The following TBC1D22A variants were observed in gnomAD, a reference collection of about 807,000 sequenced individuals.
The protein encoded by TBC1D22A is putative GTPase activator.
A neutral mutation model predicts 60.2 loss-of-function variants in TBC1D22A; 38 were observed. The observed-to-expected ratio is 0.63, with a 90% CI of 0.49 to 0.83. TBC1D22A has a LOEUF of 0.83. TBC1D22A is among the 40% of genes least tolerant of loss of function. TBC1D22A has a pLI of 0.00. For synonymous variants in TBC1D22A, 302 were observed against 281.7 expected (o/e 1.07, Z -0.72); for missense variants, 628 against 701.0 (o/e 0.90, Z 1.18).
intron 4 of TBC1D22A, among the ~76,000 whole-genome samples, chr22:46,807,026 T>G (rs992684097): frequency 1.3e-5 from 2 of 152,254 alleles, no homozygotes; most frequent in Non-Finnish European, 2.9e-5. Flanking sequence ...ATAAGAGGAT[T>G]GGCAGGTTCT....
At position 46,796,656 on chromosome 22, in the gene TBC1D22A, C is replaced by T. The variant is rs79352328; in HGVS notation, c.461-788C>T. On this transcript the variant is annotated intron_variant, in intron 3 of 12. Transcript: ENST00000337137. ...CCCGGTCCCGGGTTGCTGGGTGGAA[C>T]GTGCTGTCTCACCACCTGCTTGGAT... Among the ~76,000 whole-genome samples the T allele has an allele frequency of 4.9e-3, 714 of 146,206 alleles. 3 individuals carry two copies. The highest frequency in any genetic ancestry group is 0.016 in the African/African-American group (655 of 39,932).
At chr22:47,068,729 C>T (rs1049358826) in intron 11 of TBC1D22A, among the ~76,000 whole-genome samples, 6 of 152,054 alleles carry the variant, frequency 3.9e-5, no homozygotes, top group African/African-American at 1.5e-4. Flanking sequence ...AATTTCACGC[C>T]GAAATCTCAG....
intron 10 of TBC1D22A, among the ~76,000 whole-genome samples, chr22:47,029,160 G>A (rs1164652442): frequency 4.1e-5 from 4 of 97,488 alleles, no homozygotes; most frequent in Admixed American, 3.0e-4. Context: ...CAAGAGTCCC[G>A]GGGATGCAAA....
intron 10 of TBC1D22A, among the ~76,000 whole-genome samples, chr22:47,010,874 A>G (rs914539630): frequency 6.6e-6 from 1 of 152,200 alleles, no homozygotes; most frequent in African/African-American, 2.4e-5. Context: ...GTAAACCCAA[A>G]AATAATATAT....
chr22:46,773,255 G>C (rs1488066975), intron 1 of TBC1D22A, among the ~76,000 whole-genome samples: 1 of 152,180 alleles, frequency 6.6e-6, no homozygotes, highest in African/African-American at 2.4e-5. Context: ...TCCTGTCACA[G>C]GGTGGGGAAT....
intron 4 of TBC1D22A, among the ~76,000 whole-genome samples, chr22:46,876,498 C>T (rs1246573548): frequency 6.6e-6 from 1 of 152,200 alleles, no homozygotes; most frequent in Non-Finnish European, 1.5e-5. Context: ...TCCTGCCATT[C>T]TCTCGGGTCT....
At chr22:47,168,560 C>A (rs2068296223) in intron 12 of TBC1D22A, among the ~76,000 whole-genome samples, 1 of 152,218 alleles carries the variant, frequency 6.6e-6, no homozygotes, top group African/African-American at 2.4e-5. Context: ...GGGCCCAGCA[C>A]TCCCGCATCT....
At chr22:47,073,178 C>T (rs182858751) in intron 11 of TBC1D22A, among the ~76,000 whole-genome samples, 221 of 152,162 alleles carry the variant, frequency 1.5e-3, no homozygotes, top group Middle Eastern at 0.01. Flanking sequence ...ACAGACTTGG[C>T]GAAGAAATAG....
At chr22:46,961,183 A>G (rs933633503) in intron 8 of TBC1D22A, among the ~76,000 whole-genome samples, 1 of 152,172 alleles carries the variant, frequency 6.6e-6, no homozygotes, top group African/African-American at 2.4e-5. Context: ...TCTAATTTCT[A>G]GACTGCTTTT....
intron 4 of TBC1D22A, among the ~76,000 whole-genome samples, chr22:46,847,378 T>C (rs967816671): frequency 2.6e-5 from 4 of 152,222 alleles, no homozygotes; most frequent in Admixed American, 6.5e-5. Context: ...TATCTACCAG[T>C]ATCTGCCCTA....
At position 46,782,972 on chromosome 22, in the gene TBC1D22A, C is replaced by T. The variant is rs551716357; in HGVS notation, c.63-9548C>T. On this transcript the variant is annotated intron_variant, in intron 1 of 12. Transcript: ENST00000337137. Reference sequence around the variant, plus strand: ...TTCATTTCTCTTGGGTATCTACCTCCGAGTGGAATTGATGGGTCATGCGAT... The same window carrying T: ...TTCATTTCTCTTGGGTATCTACCTCTGAGTGGAATTGATGGGTCATGCGAT... Among the ~76,000 whole-genome samples, 20 of 152,270 alleles carry T rather than the reference C, an allele frequency of 1.3e-4. No homozygotes were observed. The East Asian group carries it at 1.5e-3, about 12-fold the overall frequency.
intron 11 of TBC1D22A, among the ~76,000 whole-genome samples, chr22:47,051,013 C>G (rs2063195628): frequency 6.6e-6 from 1 of 152,188 alleles, no homozygotes; most frequent in African/African-American, 2.4e-5. Flanking sequence ...GCTCCCTTTG[C>G]TAAGGAGACC....
At chr22:47,061,524 A>AAG (rs1256479745) in intron 11 of TBC1D22A, among the ~76,000 whole-genome samples, 1 of 152,112 alleles carries the variant, frequency 6.6e-6, no homozygotes, top group Non-Finnish European at 1.5e-5. Flanking sequence ...GCGCAGATCC[A>AAG]AGGGTGGCTT....
At chr22:46,901,247 C>T (rs531490188) in intron 7 of TBC1D22A, among the ~76,000 whole-genome samples, 46 of 152,190 alleles carry the variant, frequency 3.0e-4, no homozygotes, top group Admixed American at 5.9e-4. Flanking sequence ...CGCTGCCAGA[C>T]GTGGAAGCCA....
chr22:46,918,317 G>C (rs1051144918), intron 8 of TBC1D22A, among the ~76,000 whole-genome samples: 2 of 152,218 alleles, frequency 1.3e-5, no homozygotes, highest in Non-Finnish European at 2.9e-5. Flanking sequence ...CCTCAGCTGA[G>C]CCTATGTGTT....
chr22:47,061,369 C>T (rs1176497219), intron 11 of TBC1D22A, among the ~76,000 whole-genome samples: 1 of 152,142 alleles, frequency 6.6e-6, no homozygotes, highest in African/African-American at 2.4e-5. Context: ...CCTCCCCTCA[C>T]TCTCTCCTCT....
intron 9 of TBC1D22A, among the ~76,000 whole-genome samples, chr22:46,987,232 T>A (rs1159261902): frequency 2.0e-5 from 3 of 152,144 alleles, no homozygotes; most frequent in Non-Finnish European, 4.4e-5. Context: ...AGGGAGAAAT[T>A]AGTCTCCATC....
intron 12 of TBC1D22A, among the ~76,000 whole-genome samples, chr22:47,138,377 A>G (rs923428250): frequency 2.7e-5 from 4 of 148,556 alleles, no homozygotes; most frequent in African/African-American, 7.5e-5. Context: ...GCAGTAGGAC[A>G]CACAGACCCC....
chr22:46,846,492 C>G (rs903767712), intron 4 of TBC1D22A, among the ~76,000 whole-genome samples: 1 of 152,160 alleles, frequency 6.6e-6, no homozygotes, highest in South Asian at 2.1e-4. Flanking sequence ...CTCTGCTCCT[C>G]GGGAAATGGA....
Sources: gnomAD v4.1 joint callset for allele counts (sites outside exome capture counted in the v4.1 genomes callset) on GRCh38, gnomAD v4.1.1 for gene constraint, MANE v1.5 for transcripts, NCBI Gene and HGNC (gene_info 2026-07-23, HGNC 2026-07-21) for gene names.